Variants in MCMDC2 observed in about 807,000 individuals in gnomAD.
MCMDC2 encodes the protein minichromosome maintenance domain-containing protein 2.
A neutral mutation model predicts 75.8 loss-of-function variants in MCMDC2; 54 were observed. The observed-to-expected ratio is 0.71, with a 90% CI of 0.57 to 0.89. The LOEUF (loss-of-function observed/expected upper bound fraction) is 0.89, where lower values mean the gene tolerates loss of function less well. Ranked by LOEUF, MCMDC2 falls within the 40% of genes least tolerant of loss-of-function variation. MCMDC2 has a pLI of 0.00. For synonymous variants in MCMDC2, 249 were observed against 274.6 expected (o/e 0.91, Z 0.92); for missense variants, 656 against 780.4 (o/e 0.84, Z 1.90).
downstream of MCMDC2, chr8:66,926,382 A>T (rs1563399425): frequency 6.6e-6 from 1 of 152,140 alleles, no homozygotes; most frequent in African/African-American, 2.4e-5. Context: ...ACTCACTTAA[A>T]GATAGGTCAT....
intron 14 of MCMDC2, among the ~76,000 whole-genome samples, chr8:66,909,675 T>C (rs1369669018): frequency 6.6e-6 from 1 of 152,100 alleles, no homozygotes. Flanking sequence ...AATCAGAAAT[T>C]GGAACTTACA....
intron 12 of MCMDC2, among the ~76,000 whole-genome samples, chr8:66,900,097 G>A (rs1365054336): frequency 2.3e-4 from 34 of 150,598 alleles, no homozygotes; most frequent in Admixed American, 1.9e-3. Flanking sequence ...ATCGTGCCAC[G>A]GCACTCCAGC....
At chr8:66,880,251 G>T (rs1465348813) in intron 7 of MCMDC2, among the ~76,000 whole-genome samples, 1 of 152,126 alleles carries the variant, frequency 6.6e-6, no homozygotes, top group Non-Finnish European at 1.5e-5. Flanking sequence ...CTTACATGCT[G>T]GGCATGGTGG....
At position 66,921,377 on chromosome 8, in the gene MCMDC2, A is replaced by G. The variant is rs1032452045; in HGVS notation, c.*2208A>G. ...CAACAGAACTGCACTTATACCCCCCAAATCTATACTGAGGGAAGTGACTAA... is the reference window on the plus strand; with the variant it reads ...CAACAGAACTGCACTTATACCCCCCGAATCTATACTGAGGGAAGTGACTAA... On this transcript the variant is annotated 3_prime_UTR_variant, in exon 15 of 15. Coordinates refer to ENST00000422365, the MANE Select transcript of MCMDC2 (RefSeq NM_173518.5). 1.3e-5 allele frequency: 2 copies of G among 152,236 alleles called. No individual in the cohort carries two copies. Among genetic ancestry groups the G allele is most frequent in the Non-Finnish European group, 2.9e-5 (2 of 68,038 alleles). 9.4% of individuals were successfully genotyped at this position (152,236 alleles called of 1,614,324 possible).
chr8:66,903,735 C>A (rs1812796797), intron 13 of MCMDC2, among the ~76,000 whole-genome samples: 1 of 152,170 alleles, frequency 6.6e-6, no homozygotes, highest in East Asian at 1.9e-4. Flanking sequence ...TCACAAGCAT[C>A]TTTGCTTTTC....
intron 13 of MCMDC2, among the ~76,000 whole-genome samples, chr8:66,902,706 AAAAAAAT>A (rs1213177488): frequency 1.6e-4 from 21 of 131,440 alleles, no homozygotes; most frequent in Admixed American, 2.3e-4. Context: ...AAAAAAAAAA[AAAAAAAT>A]ATATATATAT....
chr8:66,883,884 G>T lies in MCMDC2; in HGVS notation c.963G>T (p.Leu321Phe). The change falls in exon 9 of 15, where the codon TTG becomes TTT. Residue 321 changes from leucine to phenylalanine, a missense_variant. Transcript: ENST00000422365. ...SQITPPGTYN[L>F]LKLCLLMSLV... ...TTACCCCTCCTGGGACTTACAATTT[G>T]CTCAAGCTCTGTTTGTTGATGAGTC... The T allele has an allele frequency of 1.9e-6, 3 of 1,613,982 alleles. No homozygotes were observed. The highest frequency in any genetic ancestry group is 2.2e-5 in the South Asian group (2 of 91,074).
chr8:66,873,802 G>A (rs1427552782), intron 1 of MCMDC2, among the ~76,000 whole-genome samples: 3 of 151,936 alleles, frequency 2.0e-5, no homozygotes, highest in Non-Finnish European at 4.4e-5. Context: ...CAGGAGAATC[G>A]CTTGAACCTG....
chr8:66,899,200 G>A (rs1812505729), intron 12 of MCMDC2, among the ~76,000 whole-genome samples: 1 of 152,146 alleles, frequency 6.6e-6, no homozygotes, highest in Non-Finnish European at 1.5e-5. Flanking sequence ...CAATACCTAC[G>A]GACTTTATAA....
chr8:66,925,519 C>T (rs1253691303), downstream of MCMDC2: 1 of 152,636 alleles, frequency 6.6e-6, no homozygotes, highest in African/African-American at 2.4e-5. Flanking sequence ...GCTTCTTCCT[C>T]CCTCGCCGGT....
At chr8:66,897,672 G>A (rs1239201179) in intron 12 of MCMDC2, among the ~76,000 whole-genome samples, 4 of 152,032 alleles carry the variant, frequency 2.6e-5, no homozygotes, top group African/African-American at 9.7e-5. Flanking sequence ...GAATACCTTC[G>A]AGTCCTGACT....
At chr8:66,878,477 A>C in intron 5 of MCMDC2, 97 bp from the exon 6 acceptor site, 1 of 1,189,524 alleles carries the variant, frequency 8.4e-7, no homozygotes, top group Non-Finnish European at 1.1e-6. Flanking sequence ...GAAAAAAGAA[A>C]ATATAAAATT....
intron 14 of MCMDC2, among the ~76,000 whole-genome samples, chr8:66,915,640 C>A (rs559078514): frequency 6.6e-6 from 1 of 150,388 alleles, no homozygotes; most frequent in Non-Finnish European, 1.5e-5. Flanking sequence ...AGATATCCTA[C>A]GGATATATCA....
chr8:66,901,223 G>T lies in MCMDC2; in HGVS notation c.1644G>T (p.Lys548Asn). The T allele has an allele frequency of 3.7e-6, 6 of 1,613,372 alleles. No homozygotes were observed. Among genetic ancestry groups the T allele is most frequent in the Non-Finnish European group, 5.1e-6 (6 of 1,179,794 alleles). The change falls in exon 13 of 15, where the codon AAG becomes AAT. Residue 548 changes from lysine to asparagine, a missense_variant. Physicochemically the swap from Lys to Asn is moderately conservative, Grantham distance 94. Coordinates refer to ENST00000422365, the MANE Select transcript of MCMDC2 (RefSeq NM_173518.5). ...CTTTTTAGCTATTGGCTTTTGCAAAGAATTTGAATGTAGAATTCAGCTTGG... is the reference window on the plus strand; with the variant it reads ...CTTTTTAGCTATTGGCTTTTGCAAATAATTTGAATGTAGAATTCAGCTTGG... ...EDFEKLLAFAKNLNVEFSLEA... is the reference protein window; with the variant it reads ...EDFEKLLAFANNLNVEFSLEA...
downstream of MCMDC2, among the ~76,000 whole-genome samples, chr8:66,923,015 G>A (rs910303276): frequency 5.3e-5 from 8 of 152,128 alleles, no homozygotes; most frequent in Admixed American, 5.2e-4. Context: ...CTGGAAACAG[G>A]AGCCATTAGC....
chr8:66,896,885 T>C lies in MCMDC2; in HGVS notation c.1552T>C (p.Leu518=). ...ATTTCTTCCTACTGTGCAACACACT[T>C]TGAACAAAGCCATTAATCCTGAAGG... ...HPFLPTVQHT[L]NKAINPEGLF... Residue 518 remains leucine, a synonymous_variant, in exon 12 of 15, where the codon TTG becomes CTG. Coordinates refer to ENST00000422365, the MANE Select transcript of MCMDC2 (RefSeq NM_173518.5). The C allele has an allele frequency of 6.2e-7, 1 of 1,613,528 alleles. No individual in the cohort carries two copies. Among genetic ancestry groups the C allele is most frequent in the South Asian group, 1.1e-5 (1 of 90,980 alleles).
chr8:66,879,010 C>A, intron 7 of MCMDC2, 91 bp downstream of exon 7: 1 of 760,088 alleles, frequency 1.3e-6, no homozygotes, highest in East Asian at 2.7e-5. Context: ...AATCCCAACA[C>A]TTTTGGAGGC....
rs151160996 is a variant in MCMDC2, at chr8:66,887,747, GAGTTAA to G, written c.1074-3111_1074-3106del. On this transcript the variant is annotated intron_variant, in intron 9 of 14. Transcript: ENST00000422365. ...TCTCCCAGAGATTGGTAGGAGGTAT[GAGTTAA>G]AGTTAATGTTTTTCCTATGCATTTA... 7.1e-4 allele frequency among the ~76,000 whole-genome samples: 108 copies of G among 152,268 alleles called. 1 individual carries two copies. The highest frequency in any genetic ancestry group is 2.2e-3 in the African/African-American group (90 of 41,552).
At chr8:66,896,425 C>G in intron 11 of MCMDC2, 89 bp downstream of exon 11, 4 of 1,234,476 alleles carry the variant, frequency 3.2e-6, no homozygotes, top group Non-Finnish European at 4.4e-6. Flanking sequence ...TGTTATTAAC[C>G]TGTTTCTATA....
Sources: allele counts gnomAD v4.1 joint callset (sites outside exome capture counted in the v4.1 genomes callset), GRCh38; gene constraint gnomAD v4.1.1; transcripts MANE v1.5; gene names NCBI Gene and HGNC (gene_info 2026-07-23, HGNC 2026-07-21).